NETO1: variants seen among roughly 807,000 people sequenced by gnomAD.
NETO1 encodes the protein neuropilin and tolloid like 1.
Under a neutral mutation model 61.3 loss-of-function variants are expected in NETO1, and 26 were observed. That is an observed-to-expected ratio of 0.42 (90% CI 0.31 to 0.59). NETO1 has a LOEUF of 0.59. Ranked by LOEUF, NETO1 falls within the 20% of genes least tolerant of loss-of-function variation. The pLI, the probability that NETO1 is intolerant of heterozygous loss-of-function variation, is 0.12. For synonymous variants in NETO1, 225 were observed against 225.8 expected (o/e 1.00, Z 0.03); for missense variants, 531 against 662.8 (o/e 0.80, Z 2.18).
chr18:72,776,409 G>C (rs1244873910), intron 7 of NETO1, among the ~76,000 whole-genome samples: 1 of 152,180 alleles, frequency 6.6e-6, no homozygotes, highest in African/African-American at 2.4e-5. Flanking sequence ...ATTTCAACAG[G>C]AGTATTGGTG....
intron 6 of NETO1, among the ~76,000 whole-genome samples, chr18:72,792,183 G>A (rs1045254924): frequency 1.2e-4 from 18 of 152,246 alleles, no homozygotes; most frequent in Non-Finnish European, 2.1e-4. Context: ...TATAATCCTA[G>A]CACTTTGGGA....
chr18:72,773,300 C>T (rs12966179), intron 7 of NETO1, among the ~76,000 whole-genome samples: 45,641 of 151,806 alleles, frequency 0.3, 8,019 homozygotes, highest in South Asian at 0.48. Context: ...CAAGATAATC[C>T]CCCTTCTTTT....
chr18:72,821,161 G>A (rs187657483), intron 4 of NETO1, among the ~76,000 whole-genome samples: 5 of 143,174 alleles, frequency 3.5e-5, no homozygotes, highest in African/African-American at 1.1e-4. Flanking sequence ...ATTATATCCT[G>A]TCCTCTCCTT....
chr18:72,755,938 A>G (rs1474323461), intron 8 of NETO1, 96 bp downstream of exon 8: 2 of 647,174 alleles, frequency 3.1e-6, no homozygotes, highest in Non-Finnish European at 5.7e-6. Context: ...GGCACTATAC[A>G]CTCTTATTTT....
At chr18:72,829,841 G>A (rs963409633) in intron 4 of NETO1, among the ~76,000 whole-genome samples, 1 of 152,176 alleles carries the variant, frequency 6.6e-6, no homozygotes, top group Admixed American at 6.5e-5. Context: ...TCATATCAGT[G>A]CATCTCTAAA....
chr18:72,774,532 T>C (rs1010567596), intron 7 of NETO1, among the ~76,000 whole-genome samples: 2 of 152,130 alleles, frequency 1.3e-5, no homozygotes, highest in Non-Finnish European at 2.9e-5. Flanking sequence ...ATATAAGAAA[T>C]CTTAAATTGA....
chr18:72,782,221 TACC>T (rs781431173), intron 7 of NETO1, among the ~76,000 whole-genome samples: 3 of 152,212 alleles, frequency 2.0e-5, no homozygotes, highest in East Asian at 3.9e-4. Flanking sequence ...AATATATATG[TACC>T]ACATTTTCTT....
chr18:72,771,353 G>A (rs771275974), intron 7 of NETO1, among the ~76,000 whole-genome samples: 4 of 152,128 alleles, frequency 2.6e-5, no homozygotes, highest in African/African-American at 9.7e-5. Context: ...ACAACCTTCC[G>A]TGGGTAATTT....
intron 4 of NETO1, among the ~76,000 whole-genome samples, chr18:72,857,707 T>A (rs2074448106): frequency 6.6e-6 from 1 of 152,186 alleles, no homozygotes; most frequent in South Asian, 2.1e-4. Flanking sequence ...TTAGTTCGAC[T>A]GTAGCACATG....
intron 6 of NETO1, among the ~76,000 whole-genome samples, chr18:72,787,072 T>G (rs2071946134): frequency 6.7e-6 from 1 of 148,606 alleles, no homozygotes; most frequent in Admixed American, 6.6e-5. Flanking sequence ...GTTTTCAGTT[T>G]GTTTACTTTT....
At chr18:72,769,047 A>G (rs920343650) in intron 7 of NETO1, among the ~76,000 whole-genome samples, 65 of 152,176 alleles carry the variant, frequency 4.3e-4, no homozygotes, top group Admixed American at 7.2e-4. Context: ...CAGGGACAGG[A>G]GAGGGCAGTG....
rs753508821 is a variant in NETO1, at chr18:72,830,975, A to G, written c.469+27851T>C. Among the ~76,000 whole-genome samples the G allele has an allele frequency of 9.2e-5, 14 of 152,108 alleles. No homozygotes were observed. The highest frequency in any genetic ancestry group is 1.6e-4 in the Non-Finnish European group (11 of 68,026). On this transcript the variant is annotated intron_variant, in intron 4 of 10. Transcript: ENST00000327305. This position sits in a 1 kb window ranked among gnomAD's most constrained non-coding sequence, Gnocchi z 4.9. ...GACTGCAAAATCTTCTTGATGAGGT[A>G]TACTATTACCTCATCAAGGTAACAG...
At chr18:72,755,847 G>A (rs567470401) in intron 8 of NETO1, among the ~76,000 whole-genome samples, 187 bp downstream of exon 8, 4 of 152,088 alleles carry the variant, frequency 2.6e-5, no homozygotes, top group South Asian at 4.1e-4. Context: ...CACTAATAAC[G>A]GAACATCTGG....
intron 4 of NETO1, among the ~76,000 whole-genome samples, chr18:72,812,472 G>A (rs935396832): frequency 6.6e-6 from 1 of 152,132 alleles, no homozygotes; most frequent in Non-Finnish European, 1.5e-5. Context: ...AGTGATCCAG[G>A]CTTTAGACTC....
chr18:72,815,610 T>C (rs1025969051), intron 4 of NETO1, among the ~76,000 whole-genome samples: 7 of 152,164 alleles, frequency 4.6e-5, no homozygotes, highest in Admixed American at 3.9e-4. Flanking sequence ...GTGATCCCAT[T>C]AAGCAGCCAA....
At chr18:72,795,720 CTTACCACATG>C (rs1406073924) in intron 4 of NETO1, among the ~76,000 whole-genome samples, 1 of 152,072 alleles carries the variant, frequency 6.6e-6, no homozygotes, top group Admixed American at 6.6e-5. Context: ...TAATTCACGT[CTTACCACATG>C]TATCTATCAT....
intron 4 of NETO1, among the ~76,000 whole-genome samples, chr18:72,805,452 C>A (rs1055325276): frequency 7.9e-5 from 12 of 152,094 alleles, no homozygotes; most frequent in Non-Finnish European, 1.6e-4. Context: ...ACGAAAATAG[C>A]TAATACCATT....
chr18:72,746,566 A>C lies in NETO1; in HGVS notation c.*1613T>G, dbSNP rs193248356. On this transcript the variant is annotated 3_prime_UTR_variant, in exon 11 of 11. Transcript: ENST00000327305. ...TAACTCTTTGACTTTTCTATTATAA[A>C]AATTTATTTTCTATTTGCTTATTTT... Among the ~76,000 whole-genome samples, 123 of 152,104 alleles carry C rather than the reference A, an allele frequency of 8.1e-4. 2 individuals carry two copies. Among genetic ancestry groups the C allele is most frequent in the East Asian group, 1.9e-4 (1 of 5,186 alleles).
intron 4 of NETO1, among the ~76,000 whole-genome samples, chr18:72,809,752 T>G (rs1236399036): frequency 6.6e-6 from 1 of 152,212 alleles, no homozygotes; most frequent in Admixed American, 6.5e-5. Context: ...AATGTTGAGA[T>G]GAAAGAGAAG....
Sources: allele counts gnomAD v4.1 joint callset (sites outside exome capture counted in the v4.1 genomes callset), GRCh38; gene constraint gnomAD v4.1.1; non-coding constraint Gnocchi (gnomAD v3.1); transcripts MANE v1.5; gene names NCBI Gene and HGNC (gene_info 2026-07-23, HGNC 2026-07-21).